Variants in CHMP2B observed in about 807,000 individuals in gnomAD.
The protein encoded by CHMP2B is VPS2 homolog B.
CHMP2B carries 22 observed loss-of-function variants against 29.8 expected under a neutral mutation model. The ratio of observed to expected loss-of-function variants is 0.74; its 90% confidence interval spans 0.53 to 1.05. CHMP2B has a LOEUF of 1.05. Ranked by LOEUF, CHMP2B falls within the 50% of genes least tolerant of loss-of-function variation. The pLI is 0.00. For missense variants in CHMP2B, 261 were observed against 252.2 expected (o/e 1.03, Z -0.24); for synonymous variants, 78 against 75.8 (o/e 1.03, Z -0.15).
At chr3:87,232,173 G>A (rs186570201) in intron 1 of CHMP2B, among the ~76,000 whole-genome samples, 104 of 152,236 alleles carry the variant, frequency 6.8e-4, no homozygotes, top group Non-Finnish European at 1.1e-3. Context: ...GAGAGAAGAG[G>A]AACAAAGCTT....
chr3:87,248,494 T>C (rs868541667), intron 3 of CHMP2B, among the ~76,000 whole-genome samples: 1 of 151,706 alleles, frequency 6.6e-6, no homozygotes, highest in Non-Finnish European at 1.5e-5. Context: ...GTAGCTGATA[T>C]TGCAGGCATG....
chr3:87,227,922 A>G (rs1705842760), intron 1 of CHMP2B, among the ~76,000 whole-genome samples: 5 of 152,070 alleles, frequency 3.3e-5, no homozygotes. Flanking sequence ...GTTGGGCGAT[A>G]TACTACTTGT....
Position 87,253,796 on chromosome 3 carries a change from C to T in CHMP2B, c.616C>T (p.Gln206Ter). The change falls in exon 6 of 6, where the codon CAA (glutamine) becomes TAA (stop). Residue 206 changes from glutamine (Q) to a stop codon, truncating the protein, a stop_gained. Coordinates refer to ENST00000263780, the MANE Select transcript of CHMP2B (RefSeq NM_014043.4). LOFTEE classifies it high-confidence loss of function. ...ATISDEEIER[Q>*]LKALGVD is the part of the protein sequence containing the mutation. ...AATCTCAGATGAAGAGATTGAACGG[C>T]AACTCAAGGCTTTAGGAGTAGATTA... is the stretch of plus-strand genomic sequence containing the variant. The T allele has an allele frequency of 6.2e-7, 1 of 1,611,742 alleles. No individual in the cohort carries two copies. The highest frequency in any genetic ancestry group is 8.5e-7 in the Non-Finnish European group (1 of 1,178,392).
intron 1 of CHMP2B, among the ~76,000 whole-genome samples, chr3:87,230,025 G>A (rs554937872): frequency 9.2e-5 from 14 of 152,236 alleles, no homozygotes; most frequent in African/African-American, 2.9e-4. Context: ...TTACAGTTGA[G>A]TACTACTTGG....
Position 87,253,997 on chromosome 3 carries a change from A to G in CHMP2B, c.*175A>G. The G allele has an allele frequency of 3.6e-6, 2 of 552,404 alleles. No homozygotes were observed. Among genetic ancestry groups the G allele is most frequent in the Non-Finnish European group, 6.5e-6 (2 of 309,486 alleles). The allele number at this position is 552,404 out of a possible 1,614,324, so 34.2% of individuals were successfully genotyped here. A position where few individuals can be genotyped will look rare whatever the true frequency, so the allele number is the denominator to read the frequency against. On this transcript the variant is annotated 3_prime_UTR_variant, in exon 6 of 6. Transcript: ENST00000263780. Reference sequence around the variant, plus strand: ...TAGAATCTTTTGCCAAAGAATGACAATGATGCAAAAATGGGAACAGTTTGG... The same window carrying G: ...TAGAATCTTTTGCCAAAGAATGACAGTGATGCAAAAATGGGAACAGTTTGG...
rs778385999 is a variant in CHMP2B, at chr3:87,253,872, C to A, written c.*50C>A. ...TTACTTATAATTATGTAGTATAAAC[C>A]AAGCACAGTGCAGATTTCTTTTACA... On this transcript the variant is annotated 3_prime_UTR_variant, in exon 6 of 6. Transcript: ENST00000263780. 4 of 1,306,222 alleles carry A rather than the reference C, an allele frequency of 3.1e-6. No individual in the cohort carries two copies. Among genetic ancestry groups the A allele is most frequent in the Non-Finnish European group, 4.4e-6 (4 of 907,928 alleles). The allele number at this position is 1,306,222 out of a possible 1,614,324, so 80.9% of individuals were successfully genotyped here.
intron 2 of CHMP2B, 26 bp from the exon 3 acceptor site, chr3:87,245,688 T>G (rs1706198173): frequency 4.4e-6 from 7 of 1,584,800 alleles, no homozygotes; most frequent in Non-Finnish European, 6.1e-6. Context: ...ATAATTTTAT[T>G]TTCTTTTGTT....
chr3:87,241,221 T>G (rs1706113410), intron 2 of CHMP2B, among the ~76,000 whole-genome samples: 1 of 152,228 alleles, frequency 6.6e-6, no homozygotes, highest in Non-Finnish European at 1.5e-5. Flanking sequence ...AATAGACTGG[T>G]CTGGTTCATT....
chr3:87,250,960 T>A (rs1184389091), intron 4 of CHMP2B, among the ~76,000 whole-genome samples: 1 of 151,904 alleles, frequency 6.6e-6, no homozygotes, highest in Non-Finnish European at 1.5e-5. Context: ...AAAACTGACA[T>A]CATTGTTTTG....
rs924663190 is a variant in CHMP2B at position 87,240,641 on chromosome 3, A to C, written c.35-58A>C. On this transcript the variant is annotated intron_variant, in intron 1 of 5. Coordinates refer to ENST00000263780, the MANE Select transcript of CHMP2B (RefSeq NM_014043.4). ...TCATGATCTGTGAATCCAGTATTTTAAATGATATTGAAAATTTTACAACCC... is the reference window on the plus strand; with the variant it reads ...TCATGATCTGTGAATCCAGTATTTTCAATGATATTGAAAATTTTACAACCC... 2.6e-6 allele frequency: 3 copies of C among 1,149,014 alleles called. No homozygotes were observed. The Admixed American group carries it at 5.1e-5, about 19-fold the overall frequency. 71.2% of individuals were successfully genotyped at this position (1,149,014 alleles called of 1,614,324 possible). A position where few individuals can be genotyped will look rare whatever the true frequency, so the allele number is the denominator to read the frequency against.
intron 3 of CHMP2B, among the ~76,000 whole-genome samples, chr3:87,246,688 A>G (rs1158846867): frequency 1.3e-5 from 2 of 152,208 alleles, no homozygotes; most frequent in Admixed American, 6.5e-5. Context: ...CTGTATACAC[A>G]CACAAACACA....
At chr3:87,233,041 A>G (rs1176950308) in intron 1 of CHMP2B, among the ~76,000 whole-genome samples, 1 of 152,006 alleles carries the variant, frequency 6.6e-6, no homozygotes, top group Admixed American at 6.6e-5. Flanking sequence ...TGACTCCCCA[A>G]TTTCTCTTCA....
intron 1 of CHMP2B, among the ~76,000 whole-genome samples, chr3:87,233,971 C>G (rs1705953222): frequency 6.6e-6 from 1 of 152,136 alleles, no homozygotes; most frequent in South Asian, 2.1e-4. Flanking sequence ...AGCTTGAATC[C>G]TGCTGACCGA....
At chr3:87,246,645 C>T (rs1211325279) in intron 3 of CHMP2B, among the ~76,000 whole-genome samples, 1 of 152,108 alleles carries the variant, frequency 6.6e-6, no homozygotes, top group Non-Finnish European at 1.5e-5. Context: ...AAAGATTTAT[C>T]AGAATGTTTG....
chr3:87,234,994 C>T (rs200032687), intron 1 of CHMP2B, among the ~76,000 whole-genome samples: 1 of 152,030 alleles, frequency 6.6e-6, no homozygotes, highest in Admixed American at 6.6e-5. Flanking sequence ...ATTTTAAAGA[C>T]GTGTTAAATA....
chr3:87,245,166 G>A (rs574341504), intron 2 of CHMP2B, among the ~76,000 whole-genome samples: 2 of 152,078 alleles, frequency 1.3e-5, no homozygotes, highest in East Asian at 1.9e-4. Context: ...TGATAAGTAC[G>A]TATATAGCAT....
intron 1 of CHMP2B, among the ~76,000 whole-genome samples, chr3:87,234,466 G>A (rs1377722255): frequency 6.6e-6 from 1 of 152,138 alleles, no homozygotes; most frequent in Non-Finnish European, 1.5e-5. Context: ...ACTTGAGATA[G>A]GCTTTTAATG....
chr3:87,229,934 G>A (rs568314620), intron 1 of CHMP2B, among the ~76,000 whole-genome samples: 1 of 152,292 alleles, frequency 6.6e-6, no homozygotes, highest in Admixed American at 6.5e-5. Context: ...AGATGAACAA[G>A]TCTCTGCGGT....
intron 2 of CHMP2B, among the ~76,000 whole-genome samples, 181 bp from the exon 3 acceptor site, chr3:87,245,533 A>T (rs1019038800): frequency 6.6e-6 from 1 of 151,770 alleles, no homozygotes; most frequent in Non-Finnish European, 1.5e-5. Context: ...CCATGTAAAC[A>T]TGTAGACTAA....
Sources: allele counts gnomAD v4.1 joint callset (sites outside exome capture counted in the v4.1 genomes callset), GRCh38; gene constraint gnomAD v4.1.1; transcripts MANE v1.5; gene names NCBI Gene and HGNC (gene_info 2026-07-23, HGNC 2026-07-21).